CDR2L: variants seen among roughly 807,000 people sequenced by gnomAD.
CDR2L encodes cerebellar degeneration-related protein 2-like.
In CDR2L, 19 loss-of-function variants were observed where a neutral mutation model predicts 36.1. The observed-to-expected ratio is 0.53, with a 90% CI of 0.37 to 0.77. The LOEUF is 0.77. Ranked by LOEUF, CDR2L falls within the 30% of genes least tolerant of loss-of-function variation. The pLI is 0.00. For synonymous variants in CDR2L, 285 were observed against 280.4 expected (o/e 1.02, Z -0.16); for missense variants, 575 against 627.2 (o/e 0.92, Z 0.89).
At chr17:74,997,309 C>T (rs1364061786) in intron 1 of CDR2L, among the ~76,000 whole-genome samples, 1 of 152,070 alleles carries the variant, frequency 6.6e-6, no homozygotes, top group African/African-American at 2.4e-5. Context: ...AAACTCCTGA[C>T]CTCAAGTGAT....
intron 2 of CDR2L, among the ~76,000 whole-genome samples, chr17:75,000,167 T>C (rs2039856379): frequency 6.6e-6 from 1 of 151,984 alleles, no homozygotes; most frequent in South Asian, 2.1e-4. Flanking sequence ...TCCCAGCTAC[T>C]CAAGAGGATG....
intron 2 of CDR2L, among the ~76,000 whole-genome samples, chr17:75,001,114 G>T (rs1441094515): frequency 6.6e-6 from 1 of 151,796 alleles, no homozygotes; most frequent in East Asian, 1.9e-4. Flanking sequence ...GGCACCTATA[G>T]TTCCAGCTAC....
In CDR2L at chr17:75,003,948, C is replaced by T. The variant is rs751856744; in HGVS notation, c.1272C>T (p.Ala424=). The change falls in exon 5 of 5, where the codon GCC becomes GCT. Residue 424 remains alanine, a synonymous_variant. Transcript: ENST00000337231. ...GEKSLSQHVE[A]VDKRLEQSQP... ...AGAGCCTGAGCCAGCACGTGGAGGC[C>T]GTGGACAAGCGGCTGGAACAGAGCC... 2.5e-6 allele frequency: 4 copies of T among 1,610,848 alleles called. No homozygotes were observed. The highest frequency in any genetic ancestry group is 3.4e-6 in the Non-Finnish European group (4 of 1,178,714).
Position 75,003,681 on chromosome 17 carries a change from G to A in CDR2L, c.1005G>A (p.Ala335=), listed in dbSNP as rs545426896. The change falls in exon 5 of 5, where the codon GCG becomes GCA. Residue 335 remains alanine, a synonymous_variant. Coordinates refer to ENST00000337231, the MANE Select transcript of CDR2L (RefSeq NM_014603.3). The stretch of plus-strand genomic sequence containing the variant: ...CCAAAGACCCAGCCAGCCGGCACGC[G>A]GGCAACCTCACACTGCACGCCAACA... ...IVAKDPASRH[A]GNLTLHANSV... 4.8e-6 allele frequency: 7 copies of A among 1,459,928 alleles called. No individual in the cohort carries two copies. The highest frequency in any genetic ancestry group is 2.5e-5 in the East Asian group (1 of 40,194). The allele number at this position is 1,459,928 out of a possible 1,614,324, so 90.4% of individuals were successfully genotyped here. A position where few individuals can be genotyped will look rare whatever the true frequency, so the allele number is the denominator to read the frequency against.
In CDR2L at chr17:75,003,580, G is replaced by T; in HGVS notation, c.904G>T (p.Val302Phe). The T allele has an allele frequency of 1.3e-6, 2 of 1,508,462 alleles. No homozygotes were observed. The highest frequency in any genetic ancestry group is 1.4e-5 in the African/African-American group (1 of 71,862). The allele number at this position is 1,508,462 out of a possible 1,614,324, so 93.4% of individuals were successfully genotyped here. ...GGACGACTTGGGCGCCCAGGACGGGGTCTCCTCACCGGCAGCCTCTCCAGG... is the reference window on the plus strand; with the variant it reads ...GGACGACTTGGGCGCCCAGGACGGGTTCTCCTCACCGGCAGCCTCTCCAGG... ...RGDDLGAQDG[V>F]SSPAASPGHV... The change falls in exon 5 of 5, where the codon GTC becomes TTC. Residue 302 changes from valine to phenylalanine, a missense_variant. Physicochemically the swap from Val to Phe is conservative, Grantham distance 50. Coordinates refer to ENST00000337231, the MANE Select transcript of CDR2L (RefSeq NM_014603.3).
chr17:74,994,813 G>A (rs1275010984), intron 1 of CDR2L, among the ~76,000 whole-genome samples: 2 of 151,638 alleles, frequency 1.3e-5, no homozygotes, highest in East Asian at 1.9e-4. Context: ...CGGGTAGGGC[G>A]CGATCCCAAC....
At chr17:74,988,693 G>A (rs1296933298) in intron 1 of CDR2L, among the ~76,000 whole-genome samples, 1 of 152,160 alleles carries the variant, frequency 6.6e-6, no homozygotes, top group African/African-American at 2.4e-5. Context: ...ATCTGCCTTC[G>A]AGAGTCAGGA....
intron 1 of CDR2L, among the ~76,000 whole-genome samples, chr17:74,995,598 A>G (rs755010672): frequency 9.0e-4 from 137 of 152,208 alleles, no homozygotes; most frequent in Non-Finnish European, 1.5e-3. Flanking sequence ...CCTGTTTCCC[A>G]GGTTCAAGTG....
chr17:74,993,800 C>A (rs1015455398), intron 1 of CDR2L, among the ~76,000 whole-genome samples: 1 of 152,186 alleles, frequency 6.6e-6, no homozygotes, highest in Admixed American at 6.5e-5. Flanking sequence ...GCTTTGCACT[C>A]CTTCTCCAGA....
intron 3 of CDR2L, 114 bp from the exon 4 acceptor site, chr17:75,001,950 G>C: frequency 1.1e-6 from 1 of 879,628 alleles, no homozygotes; most frequent in Non-Finnish European, 1.7e-6. Context: ...CGGCTCAAGG[G>C]TACCTGTCTG....
Position 75,003,110 on chromosome 17 carries a change from C to T in CDR2L, c.507-73C>T, listed in dbSNP as rs181306449. On this transcript the variant is annotated intron_variant, in intron 4 of 4. Coordinates refer to ENST00000337231, the MANE Select transcript of CDR2L (RefSeq NM_014603.3). ...ATGTAAGCGCCCTGGCTGGGCTGCTCGGCCTTGGCCGTGCCCGTGACCACT... is the reference window on the plus strand; with the variant it reads ...ATGTAAGCGCCCTGGCTGGGCTGCTTGGCCTTGGCCGTGCCCGTGACCACT... The T allele has an allele frequency of 2.6e-4, 378 of 1,479,988 alleles. 6 individuals carry two copies. Among genetic ancestry groups the T allele is most frequent in the South Asian group, 1.9e-3 (152 of 79,174 alleles). The allele number at this position is 1,479,988 out of a possible 1,614,324, so 91.7% of individuals were successfully genotyped here.
rs2039894040 is a variant in CDR2L at position 75,004,883 on chromosome 17, T to G, written c.*809T>G. On this transcript the variant is annotated 3_prime_UTR_variant, in exon 5 of 5. Coordinates refer to ENST00000337231, the MANE Select transcript of CDR2L (RefSeq NM_014603.3). ...TTAAGCTTTCCAGGGGCCGGGGCAG[T>G]GGGGAGCCCCCATCCCTTCACACCG... 1.3e-5 allele frequency: 2 copies of G among 153,266 alleles called. No homozygotes were observed. Among genetic ancestry groups the G allele is most frequent in the East Asian group, 3.8e-4 (2 of 5,196 alleles). The allele number at this position is 153,266 out of a possible 1,614,324, so 9.5% of individuals were successfully genotyped here.
At chr17:74,996,686 C>T (rs1178127937) in intron 1 of CDR2L, among the ~76,000 whole-genome samples, 1 of 152,070 alleles carries the variant, frequency 6.6e-6, no homozygotes, top group East Asian at 1.9e-4. Flanking sequence ...GATGGGTCCT[C>T]ATTTCCCTTG....
Position 75,004,645 on chromosome 17 carries a change from T to C in CDR2L, c.*571T>C, listed in dbSNP as rs2039892457. The C allele has an allele frequency of 6.5e-6, 1 of 153,228 alleles. No homozygotes were observed. Among genetic ancestry groups the C allele is most frequent in the Admixed American group, 6.5e-5 (1 of 15,316 alleles). 9.5% of individuals were successfully genotyped at this position (153,228 alleles called of 1,614,324 possible). A position where few individuals can be genotyped will look rare whatever the true frequency, so the allele number is the denominator to read the frequency against. On this transcript the variant is annotated 3_prime_UTR_variant, in exon 5 of 5. Transcript: ENST00000337231. ...TCCAGGGTCCTGACCAGGTCAGAGA[T>C]GTCCCCTGCCATGCAGAGCAGGAAG...
rs1292035868 is a variant in CDR2L at position 75,001,499 on chromosome 17, C to CG, written c.341+12dup. ...AGCAGAAGATCCATGGGTGAGGGCC[C>CG]GGCTGAGGGCTGGGGGGCGGGCGAG... On this transcript the variant is annotated intron_variant, in intron 3 of 4. Coordinates refer to ENST00000337231, the MANE Select transcript of CDR2L (RefSeq NM_014603.3). 6.5e-7 allele frequency: 1 copy of CG among 1,533,548 alleles called. No homozygotes were observed. Among genetic ancestry groups the CG allele is most frequent in the Non-Finnish European group, 8.8e-7 (1 of 1,142,260 alleles). The allele number at this position is 1,533,548 out of a possible 1,614,324, so 95.0% of individuals were successfully genotyped here. A position where few individuals can be genotyped will look rare whatever the true frequency, so the allele number is the denominator to read the frequency against.
Position 74,987,933 on chromosome 17 carries a change from G to T in CDR2L, c.-111G>T. On this transcript the variant is annotated 5_prime_UTR_variant, in exon 1 of 5. Coordinates refer to ENST00000337231, the MANE Select transcript of CDR2L (RefSeq NM_014603.3). ...GAGGGGGCGCGGCGCGGGCTCTGTA[G>T]CCCGAGTTCCCGACGCTGGAGGCCC... 2.1e-6 allele frequency: 1 copy of T among 467,506 alleles called. No homozygotes were observed. The highest frequency in any genetic ancestry group is 4.3e-5 in the East Asian group (1 of 23,090). The allele number at this position is 467,506 out of a possible 1,614,324, so 29.0% of individuals were successfully genotyped here. A position where few individuals can be genotyped will look rare whatever the true frequency, so the allele number is the denominator to read the frequency against.
Position 75,003,174 on chromosome 17 carries a change from A to G in CDR2L, c.507-9A>G, listed in dbSNP as rs1236125026. On this transcript the variant is annotated splice_polypyrimidine_tract_variant and intron_variant, in intron 4 of 4. Transcript: ENST00000337231. ...CCCCCACCCCGCTGCGACTCTCACT[A>G]CCCGCCAGGTGCAAGGATGCTTTCC... 4 of 1,556,048 alleles carry G rather than the reference A, an allele frequency of 2.6e-6. No homozygotes were observed. Among genetic ancestry groups the G allele is most frequent in the Non-Finnish European group, 3.5e-6 (4 of 1,150,882 alleles).
intron 2 of CDR2L, 66 bp downstream of exon 2, chr17:74,999,682 CA>C: frequency 1.1e-6 from 1 of 947,242 alleles, no homozygotes; most frequent in South Asian, 1.6e-5. Context: ...TGCCTTTATG[CA>C]ACTTAGAATA....
intron 1 of CDR2L, among the ~76,000 whole-genome samples, chr17:74,999,149 TAGG>T (rs972128515): frequency 6.6e-6 from 1 of 152,204 alleles, no homozygotes; most frequent in Non-Finnish European, 1.5e-5. Flanking sequence ...CCTTCCAGCC[TAGG>T]AGGAGGACAG....
Sources: allele counts gnomAD v4.1 joint callset (sites outside exome capture counted in the v4.1 genomes callset), GRCh38; gene constraint gnomAD v4.1.1; transcripts MANE v1.5; gene names NCBI Gene and HGNC (gene_info 2026-07-23, HGNC 2026-07-21).